The following HYCC1 variants were observed in gnomAD, a reference collection of about 807,000 sequenced individuals.
The protein encoded by HYCC1 is hyccin PI4KA lipid kinase complex subunit 1.
the HYCC1 span, among the ~76,000 whole-genome samples, chr7:22,977,660 A>G: frequency 1.3e-5 from 2 of 152,212 alleles, no homozygotes; most frequent in East Asian, 1.9e-4. Context: ...ATACAGATAC[A>G]GTGTCTTAAT....
chr7:22,918,000 T>C, the HYCC1 span, among the ~76,000 whole-genome samples: 6 of 152,088 alleles, frequency 3.9e-5, no homozygotes, highest in Non-Finnish European at 7.4e-5. Context: ...CATTTCTCTT[T>C]CCTCCAAAAT....
the HYCC1 span, among the ~76,000 whole-genome samples, chr7:22,911,076 G>T: frequency 0.02 from 3,050 of 152,286 alleles, 64 homozygotes; most frequent in East Asian, 0.11. Flanking sequence ...TAATAACTAT[G>T]TAAAGTGCTC....
the HYCC1 span, chr7:22,938,196 G>A: frequency 2.0e-5 from 3 of 152,122 alleles, no homozygotes. Context: ...GTTTGTAGAG[G>A]AAATTCCTAA....
the HYCC1 span, chr7:22,978,444 A>C: frequency 2.9e-5 from 47 of 1,613,476 alleles, 1 homozygote; most frequent in Non-Finnish European, 4.0e-5. Flanking sequence ...GACAGGTTCT[A>C]GCAACTAGAA....
the HYCC1 span, chr7:22,947,391 A>C: frequency 1.6e-6 from 1 of 639,326 alleles, no homozygotes; most frequent in African/African-American, 1.8e-5. Flanking sequence ...AATTTCCATA[A>C]TTTATAATAC....
the HYCC1 span, chr7:22,935,480 G>A: frequency 1.3e-5 from 2 of 152,174 alleles, no homozygotes; most frequent in Non-Finnish European, 2.9e-5. Context: ...CCCAAAGCAT[G>A]GGAATTTCCT....
chr7:22,962,461 G>T, the HYCC1 span, among the ~76,000 whole-genome samples: 1 of 151,780 alleles, frequency 6.6e-6, no homozygotes, highest in South Asian at 2.1e-4. Context: ...AAAGTACAAA[G>T]AGCCAGCCAG....
chr7:22,979,454 G>C, the HYCC1 span, among the ~76,000 whole-genome samples: 110 of 152,272 alleles, frequency 7.2e-4, no homozygotes, highest in African/African-American at 2.5e-3. Context: ...GAAAAACAGA[G>C]GGGCAGGAGG....
chr7:22,990,472 T>C, the HYCC1 span, among the ~76,000 whole-genome samples: 4 of 152,212 alleles, frequency 2.6e-5, no homozygotes, highest in Non-Finnish European at 4.4e-5. Context: ...TTCATGATCA[T>C]GCAAGTGCAC....
chr7:22,916,293 C>G, the HYCC1 span, among the ~76,000 whole-genome samples: 158 of 152,242 alleles, frequency 1.0e-3, no homozygotes, highest in Non-Finnish European at 1.6e-4. Flanking sequence ...TGGTGCCTAA[C>G]CCATATACTC....
chr7:22,896,952 A>G, the HYCC1 span, among the ~76,000 whole-genome samples: 6,546 of 152,032 alleles, frequency 0.043, 197 homozygotes, highest in Non-Finnish European at 0.055. Context: ...GAAACAATCA[A>G]TGGGAGAACA....
chr7:22,962,146 C>G, the HYCC1 span, among the ~76,000 whole-genome samples: 1 of 152,084 alleles, frequency 6.6e-6, no homozygotes, highest in Admixed American at 6.5e-5. Context: ...TCCACATAGC[C>G]GGAACCCTAA....
At chr7:22,977,369 G>T in the HYCC1 span, 3 of 1,599,276 alleles carry the variant, frequency 1.9e-6, no homozygotes, top group Non-Finnish European at 2.6e-6. Flanking sequence ...TTTGGATAAA[G>T]ATGGAATCGT....
chr7:22,931,380 G>C, the HYCC1 span, among the ~76,000 whole-genome samples: 34 of 152,012 alleles, frequency 2.2e-4, no homozygotes, highest in African/African-American at 8.0e-4. Context: ...ATAAATTTCT[G>C]TTGTTTTAAG....
chr7:22,929,583 C>T, the HYCC1 span, among the ~76,000 whole-genome samples: 1 of 152,114 alleles, frequency 6.6e-6, no homozygotes. Context: ...CCAAAAAACA[C>T]GTGAAAAAAT....
the HYCC1 span, chr7:22,937,164 A>G: frequency 6.6e-6 from 1 of 152,240 alleles, no homozygotes; most frequent in Non-Finnish European, 1.5e-5. Context: ...TACACAGCAC[A>G]GCAGGCAACA....
At chr7:22,960,452 C>T in the HYCC1 span, 2 of 1,493,590 alleles carry the variant, frequency 1.3e-6, no homozygotes, top group Admixed American at 3.3e-5. Flanking sequence ...TCAACATGAG[C>T]AGATAGAGCA....
At chr7:22,938,998 CAT>C in the HYCC1 span, 6 of 152,298 alleles carry the variant, frequency 3.9e-5, no homozygotes, top group Non-Finnish European at 7.4e-5. Context: ...TACACACACT[CAT>C]ATTTAACTAC....
the HYCC1 span, among the ~76,000 whole-genome samples, chr7:22,918,725 A>AC: frequency 2.6e-5 from 4 of 151,316 alleles, no homozygotes; most frequent in African/African-American, 9.7e-5. Flanking sequence ...GCACCTTGTG[A>AC]CCCCCCACCC....
Sources: gnomAD v4.1 joint callset for allele counts (sites outside exome capture counted in the v4.1 genomes callset) on GRCh38, gnomAD v4.1.1 for gene constraint, MANE v1.5 for transcripts, NCBI Gene and HGNC (gene_info 2026-07-23, HGNC 2026-07-21) for gene names.